TENM2: variants seen among roughly 807,000 people sequenced by gnomAD.
TENM2 encodes teneurin-2.
A neutral mutation model predicts 245.2 loss-of-function variants in TENM2; 52 were observed. The observed-to-expected ratio is 0.21, with a 90% CI of 0.17 to 0.27. The LOEUF is 0.27. Ranked by LOEUF, TENM2 falls within the 10% of genes least tolerant of loss-of-function variation. TENM2 has a pLI of 1.00. For missense variants in TENM2, 3,046 were observed against 3,666.8 expected (o/e 0.83, Z 4.37); for synonymous variants, 1,363 against 1,438.9 (o/e 0.95, Z 1.19).
intron 2 of TENM2, among the ~76,000 whole-genome samples, chr5:167,551,565 A>G (rs1772944487): frequency 6.6e-6 from 1 of 152,162 alleles, no homozygotes; most frequent in Non-Finnish European, 1.5e-5. Context: ...TCTCCATAAC[A>G]CTTAACCAAT....
chr5:167,234,459 C>A, the TENM2 span, among the ~76,000 whole-genome samples: 1 of 152,148 alleles, frequency 6.6e-6, no homozygotes, highest in Non-Finnish European at 1.5e-5. Flanking sequence ...TGCTTTGTTT[C>A]ATCAGGACTC....
At chr5:167,149,784 T>G in the TENM2 span, among the ~76,000 whole-genome samples, 2 of 152,188 alleles carry the variant, frequency 1.3e-5, no homozygotes, top group Non-Finnish European at 2.9e-5. Context: ...AGCATCCTCA[T>G]TTTTCTTCCA....
At chr5:167,165,105 C>A in the TENM2 span, 24 of 152,250 alleles carry the variant, frequency 1.6e-4, no homozygotes, top group East Asian at 4.4e-3. Flanking sequence ...ATATTAGCTT[C>A]TCATAATGGA....
chr5:167,806,559 A>G (rs1766191778), intron 2 of TENM2, among the ~76,000 whole-genome samples: 1 of 151,944 alleles, frequency 6.6e-6, no homozygotes, highest in African/African-American at 2.4e-5. Context: ...GCCCCCAGCA[A>G]CTCCAATTTA....
the TENM2 span, among the ~76,000 whole-genome samples, chr5:167,192,699 A>T: frequency 1.3e-5 from 2 of 152,058 alleles, no homozygotes; most frequent in African/African-American, 4.8e-5. Context: ...ATGGAACCCA[A>T]TTCTCCTCTG....
chr5:167,858,204 C>T (rs1244900226), intron 2 of TENM2, among the ~76,000 whole-genome samples: 1 of 152,242 alleles, frequency 6.6e-6, no homozygotes, highest in Non-Finnish European at 1.5e-5. Context: ...ACTGCAGAGA[C>T]TGGGAAGAAA....
chr5:167,875,568 C>T (rs1193088143), intron 2 of TENM2, among the ~76,000 whole-genome samples: 1 of 152,138 alleles, frequency 6.6e-6, no homozygotes, highest in Admixed American at 6.5e-5. Context: ...CTTAAAATTT[C>T]ATTCTGGCTG....
chr5:167,162,951 A>G, the TENM2 span, among the ~76,000 whole-genome samples: 1 of 152,140 alleles, frequency 6.6e-6, no homozygotes, highest in Non-Finnish European at 1.5e-5. Flanking sequence ...AATGGGTAGA[A>G]TGTGCTACAA....
At chr5:168,059,903 T>A (rs994254550) in intron 6 of TENM2, among the ~76,000 whole-genome samples, 1 of 152,074 alleles carries the variant, frequency 6.6e-6, no homozygotes, top group Non-Finnish European at 1.5e-5. Flanking sequence ...CTTATAACAA[T>A]CCTGTGAAAT....
chr5:167,804,749 G>T (rs915375810), intron 2 of TENM2, among the ~76,000 whole-genome samples: 1 of 151,990 alleles, frequency 6.6e-6, no homozygotes, highest in African/African-American at 2.4e-5. Flanking sequence ...AATGAATCAC[G>T]GCATGGCGAT....
chr5:168,023,631 A>C (rs1786357544), intron 5 of TENM2, among the ~76,000 whole-genome samples: 1 of 152,216 alleles, frequency 6.6e-6, no homozygotes, highest in African/African-American at 2.4e-5. Flanking sequence ...TTTAGAGAGC[A>C]GCTGGACGTC....
chr5:167,464,333 AC>A (rs1448168880), intron 2 of TENM2, among the ~76,000 whole-genome samples: 2 of 152,138 alleles, frequency 1.3e-5, no homozygotes, highest in African/African-American at 4.8e-5. Flanking sequence ...AAGCAGGTAA[AC>A]CCTAATACCA....
At chr5:167,244,268 T>C in the TENM2 span, among the ~76,000 whole-genome samples, 1 of 152,184 alleles carries the variant, frequency 6.6e-6, no homozygotes, top group Non-Finnish European at 1.5e-5. Context: ...TGATAATAAC[T>C]ATCATAATAG....
chr5:167,779,239 G>A (rs1267659708), intron 2 of TENM2, among the ~76,000 whole-genome samples: 1 of 152,158 alleles, frequency 6.6e-6, no homozygotes, highest in African/African-American at 2.4e-5. Context: ...TTTCCCAACA[G>A]CCACAAAGGT....
chr5:167,982,180 C>T lies in TENM2; in HGVS notation c.948-10764C>T, dbSNP rs573811867. Among the ~76,000 whole-genome samples the T allele has an allele frequency of 5.9e-5, 9 of 152,192 alleles. No individual in the cohort carries two copies. In the East Asian group the frequency reaches 1.5e-3, roughly 26 times the overall value. Reference sequence around the variant, plus strand: ...GCCTGGGATGCTCTTTTTTACCATTCTTCATATGGTCAGTTACTTCTTATC... The same window carrying T: ...GCCTGGGATGCTCTTTTTTACCATTTTTCATATGGTCAGTTACTTCTTATC... On this transcript the variant is annotated intron_variant, in intron 4 of 28. Transcript: ENST00000518659.
At chr5:168,176,775 G>A (rs1313348298) in intron 13 of TENM2, among the ~76,000 whole-genome samples, 1 of 152,194 alleles carries the variant, frequency 6.6e-6, no homozygotes, top group Non-Finnish European at 1.5e-5. Flanking sequence ...GGGATCAGAA[G>A]CAATTGTCTT....
chr5:168,177,482 C>T (rs1441704529), intron 13 of TENM2, among the ~76,000 whole-genome samples: 3 of 152,132 alleles, frequency 2.0e-5, no homozygotes, highest in Non-Finnish European at 4.4e-5. Context: ...CTCTAGATCC[C>T]GTGATCATAA....
intron 2 of TENM2, among the ~76,000 whole-genome samples, chr5:167,470,647 G>A (rs1334174106): frequency 1.3e-5 from 2 of 151,606 alleles, no homozygotes; most frequent in Non-Finnish European, 2.9e-5. Context: ...TTCCATGGAG[G>A]TGGAACTTGA....
intron 3 of TENM2, among the ~76,000 whole-genome samples, chr5:167,900,282 T>TA (rs922922614): frequency 2.8e-4 from 42 of 150,074 alleles, no homozygotes; most frequent in African/African-American, 8.8e-4. Flanking sequence ...CTCTTGCAAT[T>TA]AAAAAAAAAA....
Sources: allele counts gnomAD v4.1 joint callset (sites outside exome capture counted in the v4.1 genomes callset), GRCh38; gene constraint gnomAD v4.1.1; transcripts MANE v1.5; gene names NCBI Gene and HGNC (gene_info 2026-07-23, HGNC 2026-07-21).